The following MAP2K5 variants were observed in gnomAD, a reference collection of about 807,000 sequenced individuals.
MAP2K5 encodes dual specificity mitogen-activated protein kinase kinase 5.
In MAP2K5, 49 loss-of-function variants were observed where a neutral mutation model predicts 83.1. The ratio of observed to expected loss-of-function variants is 0.59; its 90% CI spans 0.47 to 0.75. The LOEUF (loss-of-function observed/expected upper bound fraction) is 0.75, where lower values mean the gene tolerates loss of function less well. Ranked by LOEUF, MAP2K5 falls within the 30% of genes least tolerant of loss-of-function variation. The pLI, the probability that MAP2K5 is intolerant of heterozygous loss-of-function variation, is 0.00. For synonymous variants in MAP2K5, 202 were observed against 191.8 expected (o/e 1.05, Z -0.44); for missense variants, 457 against 557.5 (o/e 0.82, Z 1.82).
chr15:67,695,444 A>G lies in MAP2K5; in HGVS notation c.972+1876A>G, dbSNP rs1201001613. On this transcript the variant is annotated intron_variant, in intron 15 of 21. Transcript: ENST00000178640. ...ACTTTCTTGTATAATAATAGGAAAA[A>G]TAATAAATTAACCTCTGAAGTCTTC... Among the ~76,000 whole-genome samples the G allele has an allele frequency of 5.3e-5, 8 of 152,332 alleles. No homozygotes were observed. In the East Asian group the frequency reaches 1.3e-3, roughly 26 times the overall value.
At position 67,755,572 on chromosome 15, in the gene MAP2K5, A is replaced by G. The variant is rs1489990407; in HGVS notation, c.1134+6971A>G. On this transcript the variant is annotated intron_variant, in intron 19 of 21. Transcript: ENST00000178640. The surrounding 1 kb of genome is among the most constrained non-coding windows in gnomAD (Gnocchi z 4.7). Reference sequence around the variant, plus strand: ...AGAAAGCATCAGGGGAGCCATGTCCAAGTGAAGAGTCCATGTGAGGCCTCT... The same window carrying G: ...AGAAAGCATCAGGGGAGCCATGTCCGAGTGAAGAGTCCATGTGAGGCCTCT... 1.3e-5 allele frequency among the ~76,000 whole-genome samples: 2 copies of G among 152,172 alleles called. No individual in the cohort carries two copies. The highest frequency in any genetic ancestry group is 2.9e-5 in the Non-Finnish European group (2 of 68,014).
rs187060927 is a variant in MAP2K5 at position 67,564,564 on chromosome 15, A to T, written c.252+1214A>T. 3.0e-4 allele frequency among the ~76,000 whole-genome samples: 46 copies of T among 152,244 alleles called. 1 individual carries two copies. Among genetic ancestry groups the T allele is most frequent in the African/African-American group, 1.1e-3 (44 of 41,464 alleles). On this transcript the variant is annotated intron_variant, in intron 3 of 21. Coordinates refer to ENST00000178640, the MANE Select transcript of MAP2K5 (RefSeq NM_145160.3). ...AGAAGGATAGGATGATTAACAGAGC[A>T]TTGCATTCCAACCAGCACAGAATAG...
At chr15:67,581,795 A>G (rs1213354207) in intron 4 of MAP2K5, among the ~76,000 whole-genome samples, 1 of 152,150 alleles carries the variant, frequency 6.6e-6, no homozygotes, top group Non-Finnish European at 1.5e-5. Context: ...GTCTTGGCCA[A>G]CCCACAAGAA....
At chr15:67,658,049 C>G (rs1250341519) in intron 11 of MAP2K5, among the ~76,000 whole-genome samples, 1 of 151,992 alleles carries the variant, frequency 6.6e-6, no homozygotes, top group Non-Finnish European at 1.5e-5. Flanking sequence ...CTCAATTTGA[C>G]TCTTAAAGAA....
chr15:67,789,568 G>A (rs2090478188), intron 21 of MAP2K5, among the ~76,000 whole-genome samples: 3 of 152,082 alleles, frequency 2.0e-5, no homozygotes, highest in African/African-American at 7.2e-5. Flanking sequence ...ACAAAAATTA[G>A]CTGGGTGTGG....
intron 1 of MAP2K5, chr15:67,548,979 A>G (rs1175088698): frequency 1.0e-5 from 14 of 1,404,006 alleles, no homozygotes; most frequent in Admixed American, 6.0e-5. Context: ...AAAAGCTTCT[A>G]AAGAATTGCC....
At chr15:67,692,857 A>G (rs912176900) in intron 14 of MAP2K5, among the ~76,000 whole-genome samples, 4 of 152,232 alleles carry the variant, frequency 2.6e-5, no homozygotes, top group Non-Finnish European at 4.4e-5. Flanking sequence ...GGGAGGGCAG[A>G]GTGGGAGCTG....
At chr15:67,735,010 C>T (rs1388411979) in intron 17 of MAP2K5, among the ~76,000 whole-genome samples, 1 of 152,112 alleles carries the variant, frequency 6.6e-6, no homozygotes, top group African/African-American at 2.4e-5. Flanking sequence ...TTAAAATATC[C>T]TGATATTTCA....
At position 67,550,043 on chromosome 15, in the gene MAP2K5, G is replaced by C. The variant is rs1337101627; in HGVS notation, c.145G>C (p.Gly49Arg). 8.1e-6 allele frequency: 13 copies of C among 1,613,216 alleles called. No individual in the cohort carries two copies. In the East Asian group the frequency reaches 2.9e-4, roughly 36 times the overall value. The change falls in exon 2 of 22, where the codon GGC becomes CGC. Residue 49 changes from glycine (G) to arginine (R), a missense_variant. Gly to Arg is a moderately radical substitution (Grantham distance 125, BLOSUM62 -2). This residue lies in a region of MAP2K5 where 234 missense variants were observed against 243.6 expected (regional missense o/e 0.96). Transcript: ENST00000178640. ...LLFRDVLDVI[G>R]QVLPEATTTA... ...TTCTTTCTTTGTTTAGGATGTGATA[G>C]GCCAGGTTCTGCCTGAAGCAACAAC...
chr15:67,773,354 T>C (rs2090177670), intron 21 of MAP2K5, among the ~76,000 whole-genome samples: 2 of 152,222 alleles, frequency 1.3e-5, no homozygotes, highest in Admixed American at 6.5e-5. Context: ...TTAGTGCAGA[T>C]TGTTGATTTG....
intron 21 of MAP2K5, among the ~76,000 whole-genome samples, chr15:67,776,414 G>A (rs189271458): frequency 1.4e-4 from 22 of 152,228 alleles, no homozygotes; most frequent in Admixed American, 9.8e-4. Flanking sequence ...TGTCCAGCAG[G>A]CCTTCAGAAA....
At position 67,707,992 on chromosome 15, in the gene MAP2K5, G is replaced by A. The variant is rs570471952; in HGVS notation, c.1044+4584G>A. Among the ~76,000 whole-genome samples, 70 of 152,200 alleles carry A rather than the reference G, an allele frequency of 4.6e-4. No homozygotes were observed. The South Asian group carries it at 7.7e-3, about 17-fold the overall frequency. On this transcript the variant is annotated intron_variant, in intron 16 of 21. Transcript: ENST00000178640. Reference sequence around the variant, plus strand: ...AAAACTGATAAAAATGTAGGAAACCGAGCAAAGGAATTTCCCTGAAATTAC... The same window carrying A: ...AAAACTGATAAAAATGTAGGAAACCAAGCAAAGGAATTTCCCTGAAATTAC...
intron 11 of MAP2K5, among the ~76,000 whole-genome samples, chr15:67,649,865 G>C (rs1313143221): frequency 6.6e-6 from 1 of 152,016 alleles, no homozygotes; most frequent in Non-Finnish European, 1.5e-5. Flanking sequence ...GAATCAGCTT[G>C]GCAATTTCTC....
At chr15:67,787,465 A>C (rs2090439997) in intron 21 of MAP2K5, among the ~76,000 whole-genome samples, 1 of 152,250 alleles carries the variant, frequency 6.6e-6, no homozygotes, top group Admixed American at 6.5e-5. Flanking sequence ...CTTCTCTAAA[A>C]GTAACCTTAA....
intron 21 of MAP2K5, among the ~76,000 whole-genome samples, chr15:67,800,849 T>C (rs991572418): frequency 3.9e-5 from 6 of 152,302 alleles, no homozygotes; most frequent in African/African-American, 1.4e-4. Context: ...TCCTAGCCCA[T>C]GCTTGCCATG....
chr15:67,726,685 C>T (rs1034459236), intron 16 of MAP2K5, among the ~76,000 whole-genome samples: 7 of 152,132 alleles, frequency 4.6e-5, no homozygotes, highest in African/African-American at 1.7e-4. Context: ...CACTTATTAA[C>T]TGTTTGGGAG....
chr15:67,586,739 G>A (rs1410652851), intron 5 of MAP2K5, 107 bp from the exon 6 acceptor site: 10 of 997,226 alleles, frequency 1.0e-5, no homozygotes, highest in Admixed American at 6.8e-5. Context: ...CTAGCAACAA[G>A]CTAATTAACC....
chr15:67,669,478 G>A (rs1200552662), intron 13 of MAP2K5, among the ~76,000 whole-genome samples: 1 of 152,062 alleles, frequency 6.6e-6, no homozygotes, highest in Non-Finnish European at 1.5e-5. Flanking sequence ...GACACCACAG[G>A]ATGTGCCCGG....
chr15:67,668,709 C>T lies in MAP2K5; in HGVS notation c.847+4064C>T, dbSNP rs776006055. On this transcript the variant is annotated intron_variant, in intron 13 of 21. Transcript: ENST00000178640. This position sits in a 1 kb window ranked among gnomAD's most constrained non-coding sequence, Gnocchi z 4.0. ...CCTGGTAGTAACTGCTGTCTCTTTCCCTGAGGATAAAAAATAGAAATGCAA... is the reference window on the plus strand; with the variant it reads ...CCTGGTAGTAACTGCTGTCTCTTTCTCTGAGGATAAAAAATAGAAATGCAA... 1.3e-5 allele frequency among the ~76,000 whole-genome samples: 2 copies of T among 151,822 alleles called. No individual in the cohort carries two copies. Among genetic ancestry groups the T allele is most frequent in the Non-Finnish European group, 2.9e-5 (2 of 67,974 alleles).
Sources: allele counts gnomAD v4.1 joint callset (sites outside exome capture counted in the v4.1 genomes callset), GRCh38; gene constraint gnomAD v4.1.1; regional missense constraint gnomAD v4.1.1; non-coding constraint Gnocchi (gnomAD v3.1); transcripts MANE v1.5; gene names NCBI Gene and HGNC (gene_info 2026-07-23, HGNC 2026-07-21).